ABCG1: variants seen among roughly 807,000 people sequenced by gnomAD.
ABCG1 encodes ATP-binding cassette sub-family G member 1.
A neutral mutation model predicts 69.2 loss-of-function variants in ABCG1; 29 were observed. That is an observed-to-expected ratio of 0.42 (90% CI 0.31 to 0.57). The LOEUF (loss-of-function observed/expected upper bound fraction) is 0.57. ABCG1 is among the 20% of genes least tolerant of loss of function. ABCG1 has a pLI of 0.15. For missense variants in ABCG1, 718 were observed against 898.1 expected (o/e 0.80, Z 2.56); for synonymous variants, 370 against 374.8 (o/e 0.99, Z 0.15).
intron 5 of ABCG1, among the ~76,000 whole-genome samples, chr21:42,279,767 T>C (rs4148126): frequency 0.19 from 29,205 of 152,112 alleles, 2,911 homozygotes; most frequent in South Asian, 0.3. Flanking sequence ...CGTGCTGAAG[T>C]CACAGCAAGC....
intron 2 of ABCG1, among the ~76,000 whole-genome samples, chr21:42,205,881 A>G (rs932718536): frequency 1.3e-5 from 2 of 151,784 alleles, no homozygotes; most frequent in African/African-American, 4.8e-5. Context: ...TGATATTTTT[A>G]TTTTCATTTT....
In ABCG1 at chr21:42,224,769, T is replaced by C. The variant is rs569159353; in HGVS notation, c.43-902T>C. Among the ~76,000 whole-genome samples, 16 of 152,328 alleles carry C rather than the reference T, an allele frequency of 1.1e-4. No individual in the cohort carries two copies. The East Asian group carries it at 2.9e-3, about 27-fold the overall frequency. On this transcript the variant is annotated intron_variant, in intron 1 of 14. Coordinates refer to ENST00000398449, the MANE Select transcript of ABCG1 (RefSeq NM_016818.3). ...GTGTTTTGAAGGTACCTGAAGCTTATTGATTTGCTCACGGTTGCCAGGCCA... is the reference window on the plus strand; with the variant it reads ...GTGTTTTGAAGGTACCTGAAGCTTACTGATTTGCTCACGGTTGCCAGGCCA...
upstream of ABCG1, among the ~76,000 whole-genome samples, chr21:42,217,966 G>T (rs1296527472): frequency 2.0e-5 from 3 of 152,110 alleles, no homozygotes; most frequent in African/African-American, 7.2e-5. Flanking sequence ...ACTGCGCCCG[G>T]CTGGATGACT....
intron 2 of ABCG1, among the ~76,000 whole-genome samples, chr21:42,265,815 C>T (rs886872404): frequency 3.9e-5 from 6 of 152,234 alleles, no homozygotes; most frequent in African/African-American, 1.4e-4. Context: ...TTTTCTCCAC[C>T]TCTACAGTCA....
intron 2 of ABCG1, among the ~76,000 whole-genome samples, chr21:42,227,166 A>G (rs2067829991): frequency 6.6e-6 from 1 of 152,192 alleles, no homozygotes; most frequent in South Asian, 2.1e-4. Flanking sequence ...AAACAGATTC[A>G]GTACCTTCTC....
intron 13 of ABCG1, among the ~76,000 whole-genome samples, chr21:42,293,210 C>CAT (rs1327103989): frequency 8.5e-6 from 1 of 117,686 alleles, no homozygotes; most frequent in African/African-American, 3.9e-5. Flanking sequence ...CCACACACTG[C>CAT]ATACACACAC....
At chr21:42,259,896 A>G in intron 2 of ABCG1, 1 of 1,449,234 alleles carries the variant, frequency 6.9e-7, no homozygotes, top group Non-Finnish European at 9.1e-7. Flanking sequence ...GGGAGAAAGA[A>G]GGCCCCCAGG....
At chr21:42,223,284 T>C (rs1168844724) in intron 1 of ABCG1, among the ~76,000 whole-genome samples, 1 of 152,184 alleles carries the variant, frequency 6.6e-6, no homozygotes, top group Non-Finnish European at 1.5e-5. Context: ...CATGTCACCT[T>C]GCTAAACTCA....
chr21:42,262,271 C>A (rs2068427055), intron 2 of ABCG1, among the ~76,000 whole-genome samples: 4 of 152,128 alleles, frequency 2.6e-5, no homozygotes. Flanking sequence ...GACAGGAGAC[C>A]TTCCCACATC....
intron 2 of ABCG1, among the ~76,000 whole-genome samples, chr21:42,252,386 A>T (rs2068236411): frequency 6.6e-6 from 1 of 152,168 alleles, no homozygotes; most frequent in South Asian, 2.1e-4. Flanking sequence ...AATCGCTGTC[A>T]TTAAGCAGAA....
chr21:42,200,207 G>T (rs924595479), intron 1 of ABCG1, among the ~76,000 whole-genome samples: 1 of 152,246 alleles, frequency 6.6e-6, no homozygotes, highest in African/African-American at 2.4e-5. Flanking sequence ...CTGTGGCAGG[G>T]CTGCCCATGG....
intron 8 of ABCG1, among the ~76,000 whole-genome samples, chr21:42,286,930 C>A (rs760628877): frequency 5.9e-5 from 9 of 152,126 alleles, no homozygotes; most frequent in Non-Finnish European, 1.2e-4. Context: ...GTGCTGTAGG[C>A]TCGTTTGGAG....
intron 2 of ABCG1, among the ~76,000 whole-genome samples, chr21:42,230,701 A>C (rs2067888330): frequency 6.6e-6 from 1 of 152,274 alleles, no homozygotes; most frequent in African/African-American, 2.4e-5. Context: ...GATTGGCCAC[A>C]GTGAACAAAT....
intron 2 of ABCG1, among the ~76,000 whole-genome samples, chr21:42,229,882 C>T (rs2067876089): frequency 6.6e-6 from 1 of 152,220 alleles, no homozygotes; most frequent in Non-Finnish European, 1.5e-5. Flanking sequence ...CTTCCCATTA[C>T]AAAGACACTG....
At chr21:42,241,270 C>T (rs910432742) in intron 2 of ABCG1, among the ~76,000 whole-genome samples, 11 of 152,150 alleles carry the variant, frequency 7.2e-5, no homozygotes, top group Non-Finnish European at 1.3e-4. Context: ...CCACAACATC[C>T]GTGAGCTCAT....
At chr21:42,257,319 G>C (rs2068322482) in intron 2 of ABCG1, among the ~76,000 whole-genome samples, 1 of 152,238 alleles carries the variant, frequency 6.6e-6, no homozygotes, top group South Asian at 2.1e-4. Context: ...TGGGAACCCA[G>C]CTGGGCTGGA....
At chr21:42,281,833 C>T (rs1291934718) in intron 5 of ABCG1, among the ~76,000 whole-genome samples, 1 of 152,240 alleles carries the variant, frequency 6.6e-6, no homozygotes, top group Non-Finnish European at 1.5e-5. Context: ...CGACCCTCCC[C>T]TTCGTTCTGG....
chr21:42,257,398 C>T (rs1297014171), intron 2 of ABCG1, among the ~76,000 whole-genome samples: 2 of 152,198 alleles, frequency 1.3e-5, no homozygotes, highest in South Asian at 2.1e-4. Flanking sequence ...TTCCATTGCC[C>T]GGTGCTATCA....
chr21:42,238,416 C>A (rs2068006510), intron 2 of ABCG1, among the ~76,000 whole-genome samples: 1 of 152,164 alleles, frequency 6.6e-6, no homozygotes, highest in Non-Finnish European at 1.5e-5. Context: ...GGTTCCTTTT[C>A]TGAGACTTCT....
Sources: allele counts gnomAD v4.1 joint callset (sites outside exome capture counted in the v4.1 genomes callset), GRCh38; gene constraint gnomAD v4.1.1; transcripts MANE v1.5; gene names NCBI Gene and HGNC (gene_info 2026-07-23, HGNC 2026-07-21).